Variants in ALG14 observed in about 807,000 individuals in gnomAD.
ALG14 encodes ALG14 UDP-N-acetylglucosaminyltransferase subunit.
Under a neutral mutation model 22.8 loss-of-function variants are expected in ALG14, and 17 were observed. The ratio of observed to expected loss-of-function variants is 0.75; its 90% CI spans 0.51 to 1.12. The LOEUF is 1.12. ALG14 is among the 50% of genes most tolerant of loss of function. The pLI, the probability that ALG14 is intolerant of heterozygous loss-of-function variation, is 0.00. For synonymous variants in ALG14, 89 were observed against 103.7 expected (o/e 0.86, Z 0.86); for missense variants, 288 against 271.8 (o/e 1.06, Z -0.42).
chr1:95,052,049 A>C (rs1674768686), intron 2 of ALG14, among the ~76,000 whole-genome samples: 1 of 152,242 alleles, frequency 6.6e-6, no homozygotes, highest in South Asian at 2.1e-4. Context: ...GTAGGTATTC[A>C]ATAAATATTT....
At chr1:95,035,198 T>C (rs915427199) in intron 2 of ALG14, among the ~76,000 whole-genome samples, 4 of 152,204 alleles carry the variant, frequency 2.6e-5, no homozygotes, top group African/African-American at 9.7e-5. Context: ...TGTTTTGTTT[T>C]CTCTCTTTCT....
chr1:95,060,349 T>C (rs1675101713), intron 2 of ALG14, among the ~76,000 whole-genome samples: 1 of 150,984 alleles, frequency 6.6e-6, no homozygotes, highest in South Asian at 2.1e-4. Context: ...AGGCGACTGT[T>C]AGTAAAAGGA....
intron 2 of ALG14, among the ~76,000 whole-genome samples, chr1:95,038,540 G>C (rs1674270717): frequency 6.6e-6 from 1 of 151,854 alleles, no homozygotes; most frequent in Non-Finnish European, 1.5e-5. Context: ...AATTAGCCAG[G>C]TGTGGTCATG....
chr1:94,975,826 C>T lies in ALG14; in HGVS notation c.*7250G>A, dbSNP rs1247622036. ...CCATCCTGGCTAACACAGTGAAACC[C>T]TGTCTCTACTAAAAATACAAAAAAA... is the stretch of plus-strand genomic sequence containing the variant. On this transcript the variant is annotated 3_prime_UTR_variant, in exon 4 of 4. Transcript: ENST00000370205. 6.6e-6 allele frequency: 1 copy of T among 151,630 alleles called. No homozygotes were observed. The highest frequency in any genetic ancestry group is 2.4e-5 in the African/African-American group (1 of 41,176). 9.4% of individuals were successfully genotyped at this position (151,630 alleles called of 1,614,324 possible).
At chr1:95,032,806 G>A (rs1674054697) in intron 2 of ALG14, among the ~76,000 whole-genome samples, 1 of 152,134 alleles carries the variant, frequency 6.6e-6, no homozygotes, top group Non-Finnish European at 1.5e-5. Flanking sequence ...TGGGTACTGG[G>A]TTACTTGATG....
chr1:95,030,524 A>T (rs538082973), intron 2 of ALG14, among the ~76,000 whole-genome samples: 3 of 152,320 alleles, frequency 2.0e-5, no homozygotes, highest in South Asian at 2.1e-4. Flanking sequence ...TATTTTATTT[A>T]AAAAAGCATG....
rs1672533210 is a variant in ALG14 at position 94,982,931 on chromosome 1, C to G, written c.*145G>C. 2 of 657,350 alleles carry G rather than the reference C, an allele frequency of 3.0e-6. No individual in the cohort carries two copies. Among genetic ancestry groups the G allele is most frequent in the South Asian group, 3.9e-5 (2 of 50,648 alleles). 40.7% of individuals were successfully genotyped at this position (657,350 alleles called of 1,614,324 possible). ...AGAAGCCTCAGTTTCTTCACTGAGT[C>G]ATCTGTACATTTTTTATTCCTTACC... is the stretch of plus-strand genomic sequence containing the variant. On this transcript the variant is annotated 3_prime_UTR_variant, in exon 4 of 4. Coordinates refer to ENST00000370205, the MANE Select transcript of ALG14 (RefSeq NM_144988.4).
At chr1:95,063,440 T>C (rs1675238980) in intron 2 of ALG14, among the ~76,000 whole-genome samples, 3 of 152,232 alleles carry the variant, frequency 2.0e-5, no homozygotes, top group South Asian at 2.1e-4. Context: ...TACATTTATG[T>C]CTTTAATCCA....
intron 3 of ALG14, among the ~76,000 whole-genome samples, chr1:94,992,925 C>A (rs1436389308): frequency 6.6e-6 from 1 of 151,744 alleles, no homozygotes; most frequent in Admixed American, 6.6e-5. Flanking sequence ...TATTATTATC[C>A]ATCAAAGAAT....
intron 2 of ALG14, among the ~76,000 whole-genome samples, chr1:95,051,184 A>G (rs902823367): frequency 6.6e-6 from 1 of 151,802 alleles, no homozygotes; most frequent in African/African-American, 2.4e-5. Context: ...GTATGTTTAC[A>G]GATAACCCAC....
At chr1:95,050,820 T>G (rs192604058) in intron 2 of ALG14, among the ~76,000 whole-genome samples, 2 of 152,052 alleles carry the variant, frequency 1.3e-5, no homozygotes, top group East Asian at 3.9e-4. Context: ...TAAGGCCCAG[T>G]TGTTAGTCTT....
chr1:95,045,309 CA>C (rs2100804332), intron 2 of ALG14, among the ~76,000 whole-genome samples: 1 of 152,236 alleles, frequency 6.6e-6, no homozygotes, highest in East Asian at 1.9e-4. Context: ...AAACAAAACA[CA>C]GTATGACTAA....
In ALG14 at chr1:94,997,428, C is replaced by CT. The variant is rs562968392; in HGVS notation, c.421-14123dup. ...CCACTATGGTGATAATATTAAACCT[C>CT]TGAGTTTTCTAATTCAAATATGAAG... On this transcript the variant is annotated intron_variant, in intron 3 of 3. Transcript: ENST00000370205. 2.6e-5 allele frequency among the ~76,000 whole-genome samples: 4 copies of CT among 152,330 alleles called. No individual in the cohort carries two copies. In the East Asian group the frequency reaches 7.7e-4, roughly 29 times the overall value.
intron 3 of ALG14, among the ~76,000 whole-genome samples, chr1:94,987,940 A>G (rs1171228794): frequency 2.0e-5 from 3 of 152,212 alleles, no homozygotes; most frequent in African/African-American, 4.8e-5. Flanking sequence ...CACTGGCCCA[A>G]ACACAGACTT....
chr1:94,995,219 TTC>T (rs1672877789), intron 3 of ALG14, among the ~76,000 whole-genome samples: 1 of 152,236 alleles, frequency 6.6e-6, no homozygotes, highest in Non-Finnish European at 1.5e-5. Context: ...GATTCATTAA[TTC>T]TGAGTCAAAG....
intron 2 of ALG14, among the ~76,000 whole-genome samples, chr1:95,032,873 G>A (rs1252736682): frequency 2.6e-5 from 4 of 152,122 alleles, no homozygotes; most frequent in African/African-American, 9.7e-5. Context: ...TCTTAAGAGA[G>A]TTTTTATTAT....
At chr1:95,010,458 A>C (rs1673332500) in intron 3 of ALG14, among the ~76,000 whole-genome samples, 1 of 152,226 alleles carries the variant, frequency 6.6e-6, no homozygotes, top group African/African-American at 2.4e-5. Flanking sequence ...CAAGTATCTT[A>C]GTCTGTTTTG....
chr1:94,991,812 A>T (rs941753592), intron 3 of ALG14, among the ~76,000 whole-genome samples: 2 of 152,156 alleles, frequency 1.3e-5, no homozygotes, highest in African/African-American at 4.8e-5. Flanking sequence ...TATTTAGTTT[A>T]AAACACACAT....
At chr1:95,010,441 C>G (rs979083616) in intron 3 of ALG14, among the ~76,000 whole-genome samples, 7 of 152,194 alleles carry the variant, frequency 4.6e-5, no homozygotes, top group Non-Finnish European at 2.9e-5. Flanking sequence ...CCTCCATTCT[C>G]TGCTCCCAAG....
Sources: allele counts gnomAD v4.1 joint callset (sites outside exome capture counted in the v4.1 genomes callset), GRCh38; gene constraint gnomAD v4.1.1; transcripts MANE v1.5; gene names NCBI Gene and HGNC (gene_info 2026-07-23, HGNC 2026-07-21).